Variants in ARHGEF18 observed in about 807,000 individuals in gnomAD.
The protein encoded by ARHGEF18 is rho guanine nucleotide exchange factor 18.
In ARHGEF18, 93 loss-of-function variants were observed where a neutral mutation model predicts 155.7. The observed-to-expected ratio is 0.60, with a 90% CI of 0.50 to 0.71. The LOEUF is 0.71. ARHGEF18 is among the 30% of genes least tolerant of loss of function. The pLI is 0.00. For synonymous variants in ARHGEF18, 742 were observed against 753.1 expected (o/e 0.99, Z 0.24); for missense variants, 1,593 against 1,816.1 (o/e 0.88, Z 2.23).
intron 10 of ARHGEF18, among the ~76,000 whole-genome samples, chr19:7,393,047 C>CA (rs60015151): frequency 0.058 from 3,119 of 53,570 alleles, 51 homozygotes; most frequent in Admixed American, 0.14. Flanking sequence ...GATCCTGTCT[C>CA]AAAAAAAAAA....
intron 3 of ARHGEF18, 32 bp downstream of exon 3, chr19:7,373,103 A>G (rs934889799): frequency 2.0e-5 from 25 of 1,234,176 alleles, no homozygotes; most frequent in Non-Finnish European, 2.4e-5. Context: ...GCTTCCCACA[A>G]TGCACCCCTG....
chr19:7,477,449 G>A (rs115751177), downstream of ARHGEF18: 3,770 of 1,420,644 alleles, frequency 2.7e-3, 56 homozygotes, highest in African/African-American at 0.035. Context: ...GTGGGGCAGA[G>A]AGGGGCCGCT....
Position 7,444,330 on chromosome 19 carries a change from A to T in ARHGEF18, c.1487A>T (p.Asp496Val). The T allele has an allele frequency of 6.2e-7, 1 of 1,613,622 alleles. No homozygotes were observed. The change falls in exon 14 of 29, where the codon GAC becomes GTC. Residue 496 changes from aspartate (D) to valine (V), a missense_variant. By Grantham distance (152) the Asp-to-Val change is radical (BLOSUM62 -3). Coordinates refer to ENST00000668164, the MANE Select transcript of ARHGEF18 (RefSeq NM_001367823.1). The surrounding 1 kb of genome is among the most constrained non-coding windows in gnomAD (Gnocchi z 4.7). Reference sequence around the variant, plus strand: ...ATTGGCCGCCTCTTCCCATGCGCTGACGACCTGCTGGAGACGCACAGCCAC... The same window carrying T: ...ATTGGCCGCCTCTTCCCATGCGCTGTCGACCTGCTGGAGACGCACAGCCAC... ...KAIGRLFPCA[D>V]DLLETHSHFL...
chr19:7,399,446 T>C (rs1377640611), intron 10 of ARHGEF18, among the ~76,000 whole-genome samples: 2 of 152,140 alleles, frequency 1.3e-5, no homozygotes, highest in African/African-American at 2.4e-5. Context: ...TTATGTTCAA[T>C]ATGTTCAAAG....
chr19:7,456,296 T>A, intron 17 of ARHGEF18, 31 bp from the exon 18 acceptor site: 1 of 1,611,190 alleles, frequency 6.2e-7, no homozygotes. Context: ...ATGGGACTTT[T>A]AAGATGCATC....
intron 10 of ARHGEF18, chr19:7,394,921 T>A: frequency 2.7e-5 from 9 of 335,360 alleles, no homozygotes; most frequent in Non-Finnish European, 3.3e-5. Flanking sequence ...AAAGTCGCCC[T>A]CACCCTCGCC....
At position 7,440,109 on chromosome 19, in the gene ARHGEF18, A is replaced by C. The variant is rs1763856589; in HGVS notation, c.968-235A>C. 1 of 1,550,666 alleles carries C rather than the reference A, an allele frequency of 6.4e-7. No individual in the cohort carries two copies. Among genetic ancestry groups the C allele is most frequent in the Non-Finnish European group, 8.7e-7 (1 of 1,146,760 alleles). On this transcript the variant is annotated intron_variant, in intron 10 of 28. Coordinates refer to ENST00000668164, the MANE Select transcript of ARHGEF18 (RefSeq NM_001367823.1). This position sits in a 1 kb window ranked among gnomAD's most constrained non-coding sequence, Gnocchi z 5.4. The stretch of plus-strand genomic sequence containing the variant: ...CGGAGCCCCGGGCGCGAACATGGGG[A>C]ATGCGCACTCCAAAAGCGGGGACAG...
At position 7,352,832 on chromosome 19, in the gene ARHGEF18, C is replaced by CT. The variant is rs587602037; in HGVS notation, c.-111+3613dup. 7.0e-4 allele frequency among the ~76,000 whole-genome samples: 35 copies of CT among 49,880 alleles called. 4 individuals carry two copies. The highest frequency in any genetic ancestry group is 5.5e-3 in the East Asian group (7 of 1,278). 32.7% of individuals were successfully genotyped at this position (49,880 alleles called of 152,430 possible). On this transcript the variant is annotated intron_variant, in intron 1 of 28. Coordinates refer to ENST00000668164, the MANE Select transcript of ARHGEF18 (RefSeq NM_001367823.1). ...ACAGGTGTGAGTCGCCGTGCCTGGCCTTTTTTTTTTTTTTTTTTTTTTGAC... is the reference window on the plus strand; with the variant it reads ...ACAGGTGTGAGTCGCCGTGCCTGGCCTTTTTTTTTTTTTTTTTTTTTTTGAC...
At chr19:7,458,367 C>G in intron 18 of ARHGEF18, 145 bp from the exon 19 acceptor site, 1 of 607,404 alleles carries the variant, frequency 1.6e-6, no homozygotes, top group South Asian at 4.7e-5. Flanking sequence ...CCCCAGATGG[C>G]AAAATATTTC....
At chr19:7,464,187 G>A (rs570969314) in intron 22 of ARHGEF18, among the ~76,000 whole-genome samples, 10 of 152,102 alleles carry the variant, frequency 6.6e-5, no homozygotes, top group Non-Finnish European at 1.3e-4. Context: ...ATAAGCACAC[G>A]CCACCATGCC....
intron 2 of ARHGEF18, among the ~76,000 whole-genome samples, chr19:7,369,231 G>A (rs1489226563): frequency 2.0e-5 from 3 of 152,108 alleles, no homozygotes; most frequent in African/African-American, 7.2e-5. Flanking sequence ...GGAGGCTGAG[G>A]CGGATGGATC....
chr19:7,399,877 A>G (rs926047288), intron 10 of ARHGEF18, among the ~76,000 whole-genome samples: 5 of 151,544 alleles, frequency 3.3e-5, no homozygotes, highest in Non-Finnish European at 7.4e-5. Context: ...GGCTCAAGCA[A>G]TCCTCCCACT....
intron 10 of ARHGEF18, among the ~76,000 whole-genome samples, chr19:7,435,339 C>T (rs201957159): frequency 2.0e-5 from 3 of 152,024 alleles, no homozygotes; most frequent in Admixed American, 1.3e-4. Context: ...CAGAAATGAC[C>T]GTCAGGAAGG....
At chr19:7,365,529 G>T (rs1323574265) in intron 2 of ARHGEF18, among the ~76,000 whole-genome samples, 2 of 152,194 alleles carry the variant, frequency 1.3e-5, no homozygotes, top group Non-Finnish European at 2.9e-5. Context: ...CCCTCCCTGG[G>T]ATCTGGACCT....
At chr19:7,419,672 G>T (rs890130995) in intron 10 of ARHGEF18, among the ~76,000 whole-genome samples, 1 of 152,170 alleles carries the variant, frequency 6.6e-6, no homozygotes, top group African/African-American at 2.4e-5. Flanking sequence ...CCTCACGGAG[G>T]ATTCTCCCAC....
At chr19:7,367,995 G>GAA (rs1568270596) in intron 2 of ARHGEF18, among the ~76,000 whole-genome samples, 1 of 96,360 alleles carries the variant, frequency 1.0e-5, no homozygotes, top group Non-Finnish European at 1.9e-5. Flanking sequence ...GAGAGAGAGA[G>GAA]AGAGAGGGAG....
chr19:7,466,785 C>G, intron 23 of ARHGEF18, 133 bp from the exon 24 acceptor site: 1 of 881,578 alleles, frequency 1.1e-6, no homozygotes, highest in South Asian at 1.8e-5. Flanking sequence ...GCTTGGGCAA[C>G]AAGAGCAGAA....
intron 2 of ARHGEF18, among the ~76,000 whole-genome samples, chr19:7,366,059 C>T (rs1483740651): frequency 6.6e-6 from 1 of 152,172 alleles, no homozygotes; most frequent in East Asian, 1.9e-4. Flanking sequence ...GATTCTTGTG[C>T]CTCAGCCTCC....
At chr19:7,448,119 G>C (rs994097805) in intron 15 of ARHGEF18, among the ~76,000 whole-genome samples, 1 of 152,210 alleles carries the variant, frequency 6.6e-6, no homozygotes, top group African/African-American at 2.4e-5. Context: ...TGTCATCACT[G>C]TTTGGATGAC....
Sources: allele counts gnomAD v4.1 joint callset (sites outside exome capture counted in the v4.1 genomes callset), GRCh38; gene constraint gnomAD v4.1.1; non-coding constraint Gnocchi (gnomAD v3.1); transcripts MANE v1.5; gene names NCBI Gene and HGNC (gene_info 2026-07-23, HGNC 2026-07-21).